The following SYCP3 variants were observed in gnomAD, a reference collection of about 807,000 sequenced individuals.
The protein encoded by SYCP3 is synaptonemal complex protein 3.
SYCP3 carries 29 observed loss-of-function variants against 38.5 expected under a neutral mutation model. The ratio of observed to expected loss-of-function variants is 0.75; its 90% CI spans 0.56 to 1.03. SYCP3 has a LOEUF of 1.03. Ranked by LOEUF, SYCP3 falls within the 50% of genes least tolerant of loss-of-function variation. The probability of loss-of-function intolerance (pLI) is 0.00; values close to 1 mark genes in which losing one functional copy is unlikely to be tolerated. For synonymous variants in SYCP3, 79 were observed against 80.3 expected (o/e 0.98, Z 0.08); for missense variants, 242 against 270.7 (o/e 0.89, Z 0.74).
chr12:101,731,560 CAACA>C lies in SYCP3; in HGVS notation c.552+4_552+7del, dbSNP rs1566050997. ...TAACGATGTATTGTGTTACCACATA[CAACA>C]AACCTTTATGAACTGCTCATATAAC... is the stretch of plus-strand genomic sequence containing the variant. On this transcript the variant is annotated splice_donor_5th_base_variant and intron_variant, in intron 7 of 8. Coordinates refer to ENST00000392924, the MANE Select transcript of SYCP3 (RefSeq NM_001177949.2). 6.3e-7 allele frequency: 1 copy of C among 1,582,754 alleles called. No homozygotes were observed. The highest frequency in any genetic ancestry group is 1.7e-5 in the Admixed American group (1 of 57,946).
intron 1 of SYCP3, among the ~76,000 whole-genome samples, chr12:101,738,425 G>A (rs1952552128): frequency 6.8e-6 from 1 of 148,018 alleles, no homozygotes; most frequent in South Asian, 2.2e-4. Context: ...GTGAAACTTC[G>A]TCTCAAAAAA....
rs1952622419 is a variant in SYCP3 at position 101,739,424 on chromosome 12, G to C, written c.-91C>G. 1 of 1,002,576 alleles carries C rather than the reference G, an allele frequency of 1.0e-6. No individual in the cohort carries two copies. Among genetic ancestry groups the C allele is most frequent in the Non-Finnish European group, 1.2e-6 (1 of 830,328 alleles). The allele number at this position is 1,002,576 out of a possible 1,614,324, so 62.1% of individuals were successfully genotyped here. On this transcript the variant is annotated 5_prime_UTR_variant, in exon 1 of 9. Coordinates refer to ENST00000392924, the MANE Select transcript of SYCP3 (RefSeq NM_001177949.2). ...CGTCCTCCACAACTCCTCCACAAGC[G>C]CGCTTCACCTGAGGTGGCCCCTTCT...
At chr12:101,735,444 C>G (rs942327647) in intron 4 of SYCP3, among the ~76,000 whole-genome samples, 2 of 152,074 alleles carry the variant, frequency 1.3e-5, no homozygotes, top group African/African-American at 4.8e-5. Flanking sequence ...AGGCAGATCA[C>G]AAGGTCAAAA....
Position 101,733,603 on chromosome 12 carries a change from T to A in SYCP3, c.425A>T (p.Lys142Ile), listed in dbSNP as rs1456819195. The A allele has an allele frequency of 6.2e-7, 1 of 1,612,730 alleles. No homozygotes were observed. The highest frequency in any genetic ancestry group is 1.7e-5 in the Admixed American group (1 of 60,026). The change falls in exon 6 of 9, where the codon AAA (lysine) becomes ATA (isoleucine). Residue 142 changes from lysine to isoleucine, a missense_variant. Lys to Ile is a moderately radical substitution (Grantham distance 102). Coordinates refer to ENST00000392924, the MANE Select transcript of SYCP3 (RefSeq NM_001177949.2). ...TATTTTTTCTTCTTGTTCCTCAGCT[T>A]TCTGCATATCTAAATCCCACTGCTG... ...LFQQWDLDMQ[K>I]AEEQEEKILN...
chr12:101,735,586 G>A (rs911743083), intron 4 of SYCP3, among the ~76,000 whole-genome samples: 4 of 151,776 alleles, frequency 2.6e-5, no homozygotes, highest in Admixed American at 6.6e-5. Flanking sequence ...GCTTGAACCC[G>A]GGAGGCAGAG....
intron 2 of SYCP3, 94 bp downstream of exon 2, chr12:101,737,709 A>G: frequency 6.3e-7 from 1 of 1,577,168 alleles, no homozygotes; most frequent in South Asian, 1.1e-5. Flanking sequence ...ACCATACCTG[A>G]AAATGCTTTA....
rs747107094 is a variant in SYCP3 at position 101,737,831 on chromosome 12, C to G, written c.105G>C (p.Leu35=). ...CAATAACATCTTCCTCTGATCCACT[C>G]AGATCTTTCTTATCTTCAGTCTCAA... ...YDFETEDKKD[L]SGSEEDVIEG... Residue 35 remains leucine (L), a synonymous_variant, in exon 2 of 9, where the codon CTG becomes CTC. Transcript: ENST00000392924. 6 of 1,614,214 alleles carry G rather than the reference C, an allele frequency of 3.7e-6. No homozygotes were observed. In the South Asian group the frequency reaches 6.6e-5, roughly 18 times the overall value.
chr12:101,737,600 A>T (rs1444204118), intron 2 of SYCP3: 1 of 719,930 alleles, frequency 1.4e-6, no homozygotes, highest in African/African-American at 1.8e-5. Context: ...AAGCTTCTGT[A>T]ACTCCGATAC....
At chr12:101,731,717 T>A in intron 6 of SYCP3, 51 bp from the exon 7 acceptor site, 1 of 1,333,286 alleles carries the variant, frequency 7.5e-7, no homozygotes, top group South Asian at 1.4e-5. Context: ...GGGTAAAATT[T>A]TAAATTTAGA....
rs1952045884 is a variant in SYCP3 at position 101,728,787 on chromosome 12, A to G, written c.*140T>C. 4.1e-6 allele frequency: 5 copies of G among 1,217,654 alleles called. No individual in the cohort carries two copies. The East Asian group carries it at 1.2e-4, about 30-fold the overall frequency. 75.4% of individuals were successfully genotyped at this position (1,217,654 alleles called of 1,614,324 possible). A position where few individuals can be genotyped will look rare whatever the true frequency, so the allele number is the denominator to read the frequency against. On this transcript the variant is annotated 3_prime_UTR_variant, in exon 9 of 9. Transcript: ENST00000392924. ...TAACTATTTAGATTTGACTTAACAG[A>G]AAGGGAGGTCTTACAATGAAACAGG...
chr12:101,738,742 T>A (rs940526656), intron 1 of SYCP3, among the ~76,000 whole-genome samples: 9 of 152,120 alleles, frequency 5.9e-5, no homozygotes, highest in Admixed American at 3.9e-4. Context: ...TCTCAATCAA[T>A]CAATCGATGA....
chr12:101,731,066 T>A (rs1456495015), intron 7 of SYCP3, among the ~76,000 whole-genome samples: 3 of 152,232 alleles, frequency 2.0e-5, no homozygotes, highest in Non-Finnish European at 2.9e-5. Flanking sequence ...CTCAGATGTC[T>A]ATTATATCTG....
Position 101,730,565 on chromosome 12 carries a change from C to G in SYCP3, c.552+1003G>C, listed in dbSNP as rs79183661. On this transcript the variant is annotated intron_variant, in intron 7 of 8. Transcript: ENST00000392924. ...CTGGAGTACAGTAGTACGATTTCAG[C>G]TCACTGCAACCTTTGCCTCCAGGGC... 317 of 371,724 alleles carry G rather than the reference C, an allele frequency of 8.5e-4. No homozygotes were observed. The East Asian group carries it at 0.022, about 25-fold the overall frequency. The allele number at this position is 371,724 out of a possible 1,614,324, so 23.0% of individuals were successfully genotyped here. A position where few individuals can be genotyped will look rare whatever the true frequency, so the allele number is the denominator to read the frequency against.
rs370965696 is a variant in SYCP3, at chr12:101,737,034, T to C, written c.235+3A>G. On this transcript the variant is annotated splice_donor_region_variant and intron_variant, in intron 4 of 8. Transcript: ENST00000392924. ...TTAAATACAAGTATCTCCTAAAACCTACCTCCAACTCCTTCCAGCATATTC... is the reference window on the plus strand; with the variant it reads ...TTAAATACAAGTATCTCCTAAAACCCACCTCCAACTCCTTCCAGCATATTC... The C allele has an allele frequency of 5.6e-6, 9 of 1,613,810 alleles. No individual in the cohort carries two copies. Among genetic ancestry groups the C allele is most frequent in the Non-Finnish European group, 7.6e-6 (9 of 1,179,834 alleles).
chr12:101,730,635 A>G (rs1182920827), intron 7 of SYCP3: 1 of 316,964 alleles, frequency 3.2e-6, no homozygotes, highest in Non-Finnish European at 6.1e-6. Context: ...CTGGGACTAC[A>G]GGTGAGTGCC....
chr12:101,737,076 A>G lies in SYCP3; in HGVS notation c.201-5T>C, dbSNP rs1384519222. The G allele has an allele frequency of 1.2e-6, 2 of 1,613,948 alleles. No individual in the cohort carries two copies. The highest frequency in any genetic ancestry group is 1.7e-5 in the Admixed American group (1 of 60,018). ...AGCATATTCTGCACTTCACCCCTGG[A>G]AAGAAATTACATTTTAAACACTTTA... On this transcript the variant is annotated splice_region_variant and splice_polypyrimidine_tract_variant and intron_variant, in intron 3 of 8. Coordinates refer to ENST00000392924, the MANE Select transcript of SYCP3 (RefSeq NM_001177949.2).
intron 5 of SYCP3, among the ~76,000 whole-genome samples, chr12:101,733,974 T>C (rs1283203916): frequency 1.3e-5 from 2 of 152,220 alleles, no homozygotes; most frequent in African/African-American, 4.8e-5. Flanking sequence ...CAGTTTATTT[T>C]TCATTTTTTT....
intron 4 of SYCP3, among the ~76,000 whole-genome samples, chr12:101,735,871 A>ATATATATATTTTTTTT: frequency 5.4e-5 from 4 of 74,758 alleles, no homozygotes; most frequent in Admixed American, 2.7e-4. Context: ...ATATATATAT[A>ATATATATATTTTTTTT]TTTTTTTTTT....
In SYCP3 at chr12:101,733,486, T is replaced by TG. The variant is rs558921015; in HGVS notation, c.453+88dup. 1.1e-4 allele frequency: 129 copies of TG among 1,196,622 alleles called. 1 individual carries two copies. The highest frequency in any genetic ancestry group is 9.6e-4 in the African/African-American group (64 of 66,658). The allele number at this position is 1,196,622 out of a possible 1,614,324, so 74.1% of individuals were successfully genotyped here. A position where few individuals can be genotyped will look rare whatever the true frequency, so the allele number is the denominator to read the frequency against. Reference sequence around the variant, plus strand: ...ATGGCCAGCAATGGTTAATGAAACCTGGCTCAGTTCCACTGGTCACAATAA... The same window carrying TG: ...ATGGCCAGCAATGGTTAATGAAACCTGGGCTCAGTTCCACTGGTCACAATAA... On this transcript the variant is annotated intron_variant, in intron 6 of 8. Coordinates refer to ENST00000392924, the MANE Select transcript of SYCP3 (RefSeq NM_001177949.2).
Sources: allele counts gnomAD v4.1 joint callset (sites outside exome capture counted in the v4.1 genomes callset), GRCh38; gene constraint gnomAD v4.1.1; transcripts MANE v1.5; gene names NCBI Gene and HGNC (gene_info 2026-07-23, HGNC 2026-07-21).